The following KCNMB2 variants were observed in gnomAD, a reference collection of about 807,000 sequenced individuals.
KCNMB2 encodes the protein potassium calcium-activated channel subfamily M regulatory beta subunit 2, also known as calcium-activated potassium channel subunit beta-2.
KCNMB2 carries 9 observed loss-of-function variants against 24.5 expected under a neutral mutation model. The observed-to-expected ratio is 0.37, with a 90% CI of 0.22 to 0.64. The LOEUF is 0.64. Ranked by LOEUF, KCNMB2 falls within the 30% of genes least tolerant of loss-of-function variation. The pLI is 0.63. For synonymous variants in KCNMB2, 109 were observed against 104.4 expected, an observed-to-expected ratio of 1.04 and a Z score of -0.27; for missense variants, 226 against 284.3, an observed-to-expected ratio of 0.79 and a Z score of 1.47.
intron 1 of KCNMB2, among the ~76,000 whole-genome samples, chr3:178,655,398 T>C (rs981742131): frequency 1.3e-5 from 2 of 152,140 alleles, no homozygotes; most frequent in African/African-American, 4.8e-5. Flanking sequence ...GATCTCTGGG[T>C]TCTACCTATA....
At chr3:178,660,827 GAC>G (rs1377796413) in intron 1 of KCNMB2, among the ~76,000 whole-genome samples, 1 of 151,978 alleles carries the variant, frequency 6.6e-6, no homozygotes, top group Non-Finnish European at 1.5e-5. Context: ...GCCTGACACT[GAC>G]AGTTATTCCC....
At chr3:178,567,238 T>A (rs1022870402) in intron 1 of KCNMB2, among the ~76,000 whole-genome samples, 16 of 150,526 alleles carry the variant, frequency 1.1e-4, no homozygotes, top group Middle Eastern at 3.2e-3. Flanking sequence ...CGTGTGAGAG[T>A]GTGTGTGTGT....
Position 178,754,549 on chromosome 3 carries a change from T to C in KCNMB2, c.-67-52794T>C, listed in dbSNP as rs564583604. Among the ~76,000 whole-genome samples the C allele has an allele frequency of 5.3e-5, 8 of 152,224 alleles. No homozygotes were observed. In the South Asian group the frequency reaches 1.5e-3, roughly 28 times the overall value. The stretch of plus-strand genomic sequence containing the variant: ...ATTCAAAAGGAAAGACTCTGTTCAG[T>C]TGGAGGAATCAGAGGTGCCCTTTGA... On this transcript the variant is annotated intron_variant, in intron 1 of 4. Coordinates refer to ENST00000452583, the MANE Select transcript of KCNMB2 (RefSeq NM_181361.3).
At chr3:178,639,820 G>C (rs920430624) in intron 1 of KCNMB2, among the ~76,000 whole-genome samples, 2 of 152,184 alleles carry the variant, frequency 1.3e-5, no homozygotes, top group Non-Finnish European at 2.9e-5. Context: ...ACATCAGAAG[G>C]ACATTTAAAA....
At chr3:178,760,583 C>T (rs1711815869) in intron 1 of KCNMB2, among the ~76,000 whole-genome samples, 1 of 148,078 alleles carries the variant, frequency 6.8e-6, no homozygotes, top group South Asian at 2.1e-4. Flanking sequence ...ATAACTCTTC[C>T]TTCTTTGGTT....
At chr3:178,544,543 A>T (rs1361522015) in intron 1 of KCNMB2, among the ~76,000 whole-genome samples, 1 of 152,180 alleles carries the variant, frequency 6.6e-6, no homozygotes, top group Non-Finnish European at 1.5e-5. Flanking sequence ...GTCAAATGTC[A>T]AGTCTGCTGA....
At chr3:178,725,087 C>A (rs757231089) in intron 1 of KCNMB2, among the ~76,000 whole-genome samples, 2 of 152,042 alleles carry the variant, frequency 1.3e-5, no homozygotes, top group Non-Finnish European at 2.9e-5. Context: ...AGTATTGAAT[C>A]TGTATATTGC....
chr3:178,711,915 C>T (rs7427925), intron 1 of KCNMB2, among the ~76,000 whole-genome samples: 50,252 of 151,998 alleles, frequency 0.33, 8,383 homozygotes, highest in East Asian at 0.45. Flanking sequence ...TAAAATGCTG[C>T]GTTGTTATGA....
chr3:178,711,919 G>A (rs1370576712), intron 1 of KCNMB2, among the ~76,000 whole-genome samples: 1 of 152,140 alleles, frequency 6.6e-6, no homozygotes, highest in Non-Finnish European at 1.5e-5. Context: ...ATGCTGCGTT[G>A]TTATGAGGAT....
chr3:178,734,053 T>C (rs762308313), intron 1 of KCNMB2, among the ~76,000 whole-genome samples: 3 of 151,966 alleles, frequency 2.0e-5, no homozygotes, highest in Non-Finnish European at 2.9e-5. Context: ...CTGAGCAACA[T>C]CTACAGGTTG....
chr3:178,628,749 G>GA (rs1719206535), intron 1 of KCNMB2, among the ~76,000 whole-genome samples: 1 of 152,242 alleles, frequency 6.6e-6, no homozygotes, highest in East Asian at 1.9e-4. Flanking sequence ...TTAGGAAAGG[G>GA]AAAATCATTC....
chr3:178,827,225 C>A (rs9882015), intron 3 of KCNMB2, among the ~76,000 whole-genome samples: 98,217 of 152,064 alleles, frequency 0.65, 33,611 homozygotes, highest in African/African-American at 0.87. Flanking sequence ...TAATCTTGAT[C>A]ATAAAATTAA....
At chr3:178,639,818 A>G (rs2108547331) in intron 1 of KCNMB2, among the ~76,000 whole-genome samples, 1 of 152,382 alleles carries the variant, frequency 6.6e-6, no homozygotes, top group African/African-American at 2.4e-5. Context: ...CAACATCAGA[A>G]GGACATTTAA....
intron 1 of KCNMB2, among the ~76,000 whole-genome samples, chr3:178,642,243 A>C (rs34248296): frequency 6.6e-6 from 1 of 152,236 alleles, no homozygotes; most frequent in Non-Finnish European, 1.5e-5. Context: ...AATAGTCTCC[A>C]AATAAAAAAG....
chr3:178,560,499 TGA>T (rs1377981753), intron 1 of KCNMB2, among the ~76,000 whole-genome samples: 1 of 152,220 alleles, frequency 6.6e-6, no homozygotes, highest in Non-Finnish European at 1.5e-5. Flanking sequence ...TTTCCAAGCT[TGA>T]GATTACTGCA....
At chr3:178,808,918 A>G (rs962439270) in intron 2 of KCNMB2, among the ~76,000 whole-genome samples, 1 of 152,218 alleles carries the variant, frequency 6.6e-6, no homozygotes, top group African/African-American at 2.4e-5. Flanking sequence ...ATTATAGCCC[A>G]GAAGGCAAAT....
intron 1 of KCNMB2, among the ~76,000 whole-genome samples, chr3:178,607,651 G>A (rs1368537767): frequency 6.7e-6 from 1 of 148,280 alleles, no homozygotes; most frequent in Non-Finnish European, 1.5e-5. Context: ...GTGTGTGTGT[G>A]TATGTGTGCA....
intron 1 of KCNMB2, among the ~76,000 whole-genome samples, chr3:178,601,013 C>T (rs2108507611): frequency 6.6e-6 from 1 of 152,124 alleles, no homozygotes; most frequent in Middle Eastern, 3.4e-3. Flanking sequence ...ACTATGCAGC[C>T]ATATAAAAGG....
intron 1 of KCNMB2, among the ~76,000 whole-genome samples, chr3:178,774,961 A>T (rs879328770): frequency 6.6e-6 from 1 of 152,210 alleles, no homozygotes; most frequent in Non-Finnish European, 1.5e-5. Context: ...AAAGAGTTCA[A>T]CTTCTGGAGG....
Sources: allele counts gnomAD v4.1 joint callset (sites outside exome capture counted in the v4.1 genomes callset), GRCh38; gene constraint gnomAD v4.1.1; transcripts MANE v1.5; gene names NCBI Gene and HGNC (gene_info 2026-07-23, HGNC 2026-07-21).